The following CCDC42 variants were observed in gnomAD, a reference collection of about 807,000 sequenced individuals.
The protein encoded by CCDC42 is coiled-coil domain-containing protein 42.
Under a neutral mutation model 40.8 loss-of-function variants are expected in CCDC42, and 38 were observed. The ratio of observed to expected loss-of-function variants is 0.93; its 90% CI spans 0.72 to 1.22. CCDC42 has a LOEUF of 1.22. Ranked by LOEUF, CCDC42 falls within the 50% of genes most tolerant of loss-of-function variation. CCDC42 has a pLI of 0.00. For missense variants in CCDC42, 379 were observed against 416.5 expected (o/e 0.91, Z 0.78); for synonymous variants, 135 against 157.5 (o/e 0.86, Z 1.07).
chr17:8,733,343 C>G lies in CCDC42; in HGVS notation c.873+1753G>C, dbSNP rs532157267. Among the ~76,000 whole-genome samples the G allele has an allele frequency of 5.3e-5, 8 of 152,296 alleles. 1 individual carries two copies. In the South Asian group the frequency reaches 1.7e-3, roughly 32 times the overall value. The stretch of plus-strand genomic sequence containing the variant: ...CTACGGGAATGAAGTGAGATATTTT[C>G]TAATAACTTTTGGGCAATCTGAAGT... On this transcript the variant is annotated intron_variant, in intron 6 of 6. Transcript: ENST00000293845.
chr17:8,742,471 C>T (rs2151140608), intron 3 of CCDC42, among the ~76,000 whole-genome samples: 1 of 152,322 alleles, frequency 6.6e-6, no homozygotes, highest in South Asian at 2.1e-4. Flanking sequence ...TTACCGCAAT[C>T]AGTCCAATCC....
Position 8,735,042 on chromosome 17 carries a change from A to C in CCDC42, c.873+54T>G, listed in dbSNP as rs943631915. On this transcript the variant is annotated intron_variant, in intron 6 of 6. Transcript: ENST00000293845. This position sits in a 1 kb window ranked among gnomAD's most constrained non-coding sequence, Gnocchi z 4.7. ...TCATTCTTCCACCCAACCAACTGGCAACCTCCTCGGCCCAGCCGACCCCAC... is the reference window on the plus strand; with the variant it reads ...TCATTCTTCCACCCAACCAACTGGCCACCTCCTCGGCCCAGCCGACCCCAC... 6.3e-7 allele frequency: 1 copy of C among 1,599,764 alleles called. No individual in the cohort carries two copies. Among genetic ancestry groups the C allele is most frequent in the Non-Finnish European group, 8.5e-7 (1 of 1,170,258 alleles).
Position 8,735,713 on chromosome 17 carries a change from C to G in CCDC42, c.493-102G>C. ...GCCTGGATGCCTGGACACCTGGACA[C>G]CTGGGCAGGCAGGCCCTTGGCCAGG... On this transcript the variant is annotated intron_variant, in intron 4 of 6. Coordinates refer to ENST00000293845, the MANE Select transcript of CCDC42 (RefSeq NM_144681.3). The surrounding 1 kb of genome is among the most constrained non-coding windows in gnomAD (Gnocchi z 4.7). 1.0e-6 allele frequency: 1 copy of G among 968,388 alleles called. No individual in the cohort carries two copies. Among genetic ancestry groups the G allele is most frequent in the Non-Finnish European group, 1.5e-6 (1 of 659,096 alleles). The allele number at this position is 968,388 out of a possible 1,614,324, so 60.0% of individuals were successfully genotyped here.
intron 4 of CCDC42, among the ~76,000 whole-genome samples, chr17:8,737,108 C>A (rs2086617547): frequency 6.6e-6 from 1 of 152,050 alleles, no homozygotes; most frequent in African/African-American, 2.4e-5. Flanking sequence ...AGCAAGCAAG[C>A]AAGCGAGCTC....
Position 8,735,557 on chromosome 17 carries a change from G to A in CCDC42, c.547C>T (p.His183Tyr). Residue 183 changes from histidine (H) to tyrosine (Y), a missense_variant, in exon 5 of 7, where the codon CAC (histidine) becomes TAC (tyrosine). By Grantham distance (83) the His-to-Tyr change is moderately conservative. Transcript: ENST00000293845. The surrounding 1 kb of genome is among the most constrained non-coding windows in gnomAD (Gnocchi z 4.7). The part of the protein sequence containing the change: ...ARYKTLVSMR[H>Y]DLMQSAQEGQ... The stretch of plus-strand genomic sequence containing the variant: ...TCCTGCGCAGACTGCATGAGGTCGT[G>A]GCGCATGCTCACCAGCGTCTTGTAG... 5.0e-6 allele frequency: 8 copies of A among 1,614,120 alleles called. No individual in the cohort carries two copies. The highest frequency in any genetic ancestry group is 1.7e-5 in the Admixed American group (1 of 60,028).
At chr17:8,739,732 G>A (rs547045844) in intron 4 of CCDC42, among the ~76,000 whole-genome samples, 4 of 152,150 alleles carry the variant, frequency 2.6e-5, no homozygotes, top group East Asian at 3.9e-4. Context: ...TAGTAGAGAC[G>A]GGGTTTCACC....
intron 6 of CCDC42, among the ~76,000 whole-genome samples, chr17:8,732,868 C>T (rs9906019): frequency 0.4 from 60,725 of 151,998 alleles, 12,473 homozygotes; most frequent in Non-Finnish European, 0.46. Context: ...CCATGACACA[C>T]TCGAAGGAAT....
rs1292134903 is a variant in CCDC42 at position 8,735,536 on chromosome 17, G to A, written c.568C>T (p.Gln190Ter). 3 of 1,614,112 alleles carry A rather than the reference G, an allele frequency of 1.9e-6. No homozygotes were observed. Among genetic ancestry groups the A allele is most frequent in the Non-Finnish European group, 2.5e-6 (3 of 1,180,034 alleles). Reference sequence around the variant, plus strand: ...CGCTCAATCTTCTCCTGGCCTTCCTGCGCAGACTGCATGAGGTCGTGGCGC... The same window carrying A: ...CGCTCAATCTTCTCCTGGCCTTCCTACGCAGACTGCATGAGGTCGTGGCGC... ...SMRHDLMQSAQEGQEKIERAK... is the reference protein window; with the variant it reads ...SMRHDLMQSA The change falls in exon 5 of 7, where the codon CAG becomes TAG. Residue 190 changes from glutamine to a stop codon, truncating the protein, a stop_gained. Transcript: ENST00000293845. LOFTEE classifies it high-confidence loss of function. This position sits in a 1 kb window ranked among gnomAD's most constrained non-coding sequence, Gnocchi z 4.7.
chr17:8,740,038 A>C (rs2086632239), intron 4 of CCDC42, among the ~76,000 whole-genome samples: 1 of 152,170 alleles, frequency 6.6e-6, no homozygotes, highest in South Asian at 2.1e-4. Flanking sequence ...TGGGACCTTT[A>C]AACAGTTGTG....
At chr17:8,740,651 G>A (rs934879332) in intron 4 of CCDC42, among the ~76,000 whole-genome samples, 6 of 152,090 alleles carry the variant, frequency 3.9e-5, no homozygotes, top group African/African-American at 7.2e-5. Flanking sequence ...GGCAGAGGGG[G>A]GTTTCCGGGA....
intron 6 of CCDC42, among the ~76,000 whole-genome samples, chr17:8,733,787 C>A (rs2086593615): frequency 6.6e-6 from 1 of 152,138 alleles, no homozygotes; most frequent in African/African-American, 2.4e-5. Context: ...CTGTGCTGGG[C>A]CCTCCCACTG....
intron 4 of CCDC42, among the ~76,000 whole-genome samples, chr17:8,736,959 G>GGAA (rs71889549): frequency 7.2e-6 from 1 of 138,110 alleles, no homozygotes; most frequent in Non-Finnish European, 1.5e-5. Flanking sequence ...GAAGGAGGAA[G>GGAA]GAAGAAGAAG....
At chr17:8,740,064 T>G (rs1480936683) in intron 4 of CCDC42, among the ~76,000 whole-genome samples, 1 of 151,990 alleles carries the variant, frequency 6.6e-6, no homozygotes, top group African/African-American at 2.4e-5. Context: ...TGTCGCCCCT[T>G]CCCTCAGAGG....
chr17:8,741,379 T>A, intron 4 of CCDC42, 95 bp downstream of exon 4: 1 of 1,267,046 alleles, frequency 7.9e-7, no homozygotes, highest in African/African-American at 1.5e-5. Flanking sequence ...CCCAGCCAGC[T>A]GAGCCTGAAT....
intron 3 of CCDC42, among the ~76,000 whole-genome samples, chr17:8,741,903 G>A (rs2086648347): frequency 2.0e-5 from 3 of 152,180 alleles, no homozygotes; most frequent in Admixed American, 6.5e-5. Context: ...GGGGGCTCAG[G>A]GGGCTGTGAG....
chr17:8,730,643 A>T (rs2086574903), intron 6 of CCDC42, among the ~76,000 whole-genome samples: 1 of 152,152 alleles, frequency 6.6e-6, no homozygotes, highest in African/African-American at 2.4e-5. Context: ...CCCAACCATG[A>T]CTGACTTCTT....
At chr17:8,739,302 G>A (rs1402638569) in intron 4 of CCDC42, among the ~76,000 whole-genome samples, 1 of 152,180 alleles carries the variant, frequency 6.6e-6, no homozygotes, top group Non-Finnish European at 1.5e-5. Context: ...GGAGGGAGGA[G>A]CCAAGGAGGC....
Position 8,733,934 on chromosome 17 carries a change from G to A in CCDC42, c.873+1162C>T, listed in dbSNP as rs534195591. Among the ~76,000 whole-genome samples the A allele has an allele frequency of 1.4e-4, 21 of 152,258 alleles. No individual in the cohort carries two copies. The East Asian group carries it at 4.0e-3, about 29-fold the overall frequency. ...TTTTTGAGGCCAAAACTCTTTTTAC[G>A]ATAATATTAAAATGTTATTTGCCTT... On this transcript the variant is annotated intron_variant, in intron 6 of 6. Coordinates refer to ENST00000293845, the MANE Select transcript of CCDC42 (RefSeq NM_144681.3).
chr17:8,739,342 G>A lies in CCDC42; in HGVS notation c.492+2132C>T, dbSNP rs118051360. Reference sequence around the variant, plus strand: ...GTTCTGGCGGGGCTGTGAGTGGGTGGTCCTGCCTTTCACCAGCACAGGTCG... The same window carrying A: ...GTTCTGGCGGGGCTGTGAGTGGGTGATCCTGCCTTTCACCAGCACAGGTCG... On this transcript the variant is annotated intron_variant, in intron 4 of 6. Transcript: ENST00000293845. Among the ~76,000 whole-genome samples the A allele has an allele frequency of 1.3e-3, 191 of 152,322 alleles. 2 individuals carry two copies. The East Asian group carries it at 0.032, about 26-fold the overall frequency.
Sources: allele counts gnomAD v4.1 joint callset (sites outside exome capture counted in the v4.1 genomes callset), GRCh38; gene constraint gnomAD v4.1.1; non-coding constraint Gnocchi (gnomAD v3.1); transcripts MANE v1.5; gene names NCBI Gene and HGNC (gene_info 2026-07-23, HGNC 2026-07-21).